The following SORCS3 variants were observed in gnomAD, a reference collection of about 807,000 sequenced individuals.
SORCS3 encodes the protein VPS10 domain-containing receptor SorCS3.
SORCS3 carries 57 observed loss-of-function variants against 146.3 expected under a neutral mutation model. The observed-to-expected ratio is 0.39, with a 90% CI of 0.31 to 0.49. The LOEUF (loss-of-function observed/expected upper bound fraction) is 0.49. Among genes scored for constraint, SORCS3 ranks in the 20% least tolerant of loss-of-function variants. The pLI, the probability that SORCS3 is intolerant of heterozygous loss-of-function variation, is 0.92. For missense variants in SORCS3, 1,341 were observed against 1,575.5 expected (o/e 0.85, Z 2.52); for synonymous variants, 653 against 618.5 (o/e 1.06, Z -0.83).
At chr10:105,254,623 AC>A (rs2056919467) in intron 23 of SORCS3, among the ~76,000 whole-genome samples, 1 of 152,024 alleles carries the variant, frequency 6.6e-6, no homozygotes, top group East Asian at 1.9e-4. Context: ...ACATGGTGAA[AC>A]CCCGTCTCTA....
At chr10:105,075,435 C>T (rs1269858611) in intron 5 of SORCS3, among the ~76,000 whole-genome samples, 1 of 152,110 alleles carries the variant, frequency 6.6e-6, no homozygotes, top group Non-Finnish European at 1.5e-5. Flanking sequence ...CCCAGCAGCT[C>T]CTTCATCTGC....
intron 2 of SORCS3, among the ~76,000 whole-genome samples, chr10:104,860,284 T>C (rs1444080660): frequency 2.6e-5 from 3 of 115,682 alleles, no homozygotes; most frequent in African/African-American, 8.2e-5. Flanking sequence ...ATGGATGAAA[T>C]TGGAAATCAT....
At chr10:105,234,253 C>T (rs962549684) in intron 20 of SORCS3, among the ~76,000 whole-genome samples, 1 of 151,970 alleles carries the variant, frequency 6.6e-6, no homozygotes, top group Non-Finnish European at 1.5e-5. Flanking sequence ...TAATTCTTAT[C>T]TCTTCTCCTT....
chr10:104,809,485 C>T lies in SORCS3; in HGVS notation c.628-33307C>T, dbSNP rs180753264. 4.0e-3 allele frequency among the ~76,000 whole-genome samples: 605 copies of T among 152,244 alleles called. 7 individuals are homozygous for T. Among genetic ancestry groups the T allele is most frequent in the African/African-American group, 0.013 (555 of 41,550 alleles). On this transcript the variant is annotated intron_variant, in intron 1 of 26. Coordinates refer to ENST00000369701, the MANE Select transcript of SORCS3 (RefSeq NM_014978.3). The stretch of plus-strand genomic sequence containing the variant: ...TGCAATGTCTCTGGAGACCTGGACT[C>T]AGAACTGTAACACCATTGTTTCTGT...
chr10:105,031,280 C>T (rs949756601), intron 4 of SORCS3, among the ~76,000 whole-genome samples: 10 of 151,238 alleles, frequency 6.6e-5, no homozygotes, highest in Non-Finnish European at 2.9e-5. Context: ...GTCTGGGCAA[C>T]AAGGGTGAGA....
At chr10:105,104,739 A>G (rs2055809428) in intron 6 of SORCS3, among the ~76,000 whole-genome samples, 1 of 152,254 alleles carries the variant, frequency 6.6e-6, no homozygotes, top group Non-Finnish European at 1.5e-5. Context: ...TGTTCTGTGC[A>G]GTATGGCACA....
intron 9 of SORCS3, among the ~76,000 whole-genome samples, chr10:105,152,629 G>A (rs1031341177): frequency 6.6e-6 from 1 of 151,998 alleles, no homozygotes; most frequent in Non-Finnish European, 1.5e-5. Flanking sequence ...AACTGAAATG[G>A]GTATCAGTTC....
intron 22 of SORCS3, among the ~76,000 whole-genome samples, chr10:105,249,830 G>T (rs2056888626): frequency 6.6e-6 from 1 of 151,896 alleles, no homozygotes; most frequent in African/African-American, 2.4e-5. Flanking sequence ...CAGTTGCAGT[G>T]AACTGAGATT....
At chr10:104,676,053 A>G (rs915181174) in intron 1 of SORCS3, among the ~76,000 whole-genome samples, 19 of 152,200 alleles carry the variant, frequency 1.2e-4, no homozygotes, top group Non-Finnish European at 5.9e-5. Context: ...CAGGGATCTG[A>G]TGCTTTGTGA....
At chr10:104,764,914 C>A (rs1005501658) in intron 1 of SORCS3, among the ~76,000 whole-genome samples, 5 of 152,070 alleles carry the variant, frequency 3.3e-5, no homozygotes, top group Admixed American at 6.5e-5. Flanking sequence ...GATGGATTGT[C>A]CAGGATTTCT....
intron 7 of SORCS3, among the ~76,000 whole-genome samples, chr10:105,130,929 A>C (rs2056014197): frequency 6.6e-6 from 1 of 152,048 alleles, no homozygotes; most frequent in South Asian, 2.1e-4. Context: ...TTTTATTCTG[A>C]CTCATAGTGT....
intron 1 of SORCS3, among the ~76,000 whole-genome samples, chr10:104,818,354 C>CTCCTTTCTTCCT (rs976204380): frequency 1.3e-5 from 1 of 78,630 alleles, no homozygotes; most frequent in South Asian, 4.6e-4. Flanking sequence ...TTTCTTTCTT[C>CTCCTTTCTTCCT]TCCTTTCTTC....
intron 2 of SORCS3, among the ~76,000 whole-genome samples, chr10:104,869,976 T>C (rs980475229): frequency 6.6e-6 from 1 of 152,224 alleles, no homozygotes; most frequent in African/African-American, 2.4e-5. Flanking sequence ...ATCTATCACG[T>C]AGAGTCGCTC....
chr10:105,121,088 G>A (rs912275541), intron 7 of SORCS3, among the ~76,000 whole-genome samples: 3 of 152,172 alleles, frequency 2.0e-5, no homozygotes, highest in Non-Finnish European at 4.4e-5. Flanking sequence ...GCTCAAAGGA[G>A]TGAGATCAGC....
At chr10:104,649,986 A>G (rs1443977329) in intron 1 of SORCS3, among the ~76,000 whole-genome samples, 5 of 152,300 alleles carry the variant, frequency 3.3e-5, no homozygotes, top group African/African-American at 1.2e-4. Flanking sequence ...CTGGTTGACA[A>G]GCAGATCCCA....
chr10:105,056,981 A>G lies in SORCS3; in HGVS notation c.1028+13853A>G, dbSNP rs536419286. On this transcript the variant is annotated intron_variant, in intron 5 of 26. Coordinates refer to ENST00000369701, the MANE Select transcript of SORCS3 (RefSeq NM_014978.3). ...CATTAACAGTTTGCTGCATATGTAC[A>G]TAGTAATCATAAGGATCATTTTGGT... 3.5e-4 allele frequency among the ~76,000 whole-genome samples: 53 copies of G among 152,322 alleles called. 1 individual carries two copies. Among genetic ancestry groups the G allele is most frequent in the Middle Eastern group, 6.8e-3 (2 of 294 alleles).
intron 5 of SORCS3, among the ~76,000 whole-genome samples, chr10:105,070,310 A>T (rs978384177): frequency 3.9e-5 from 6 of 152,242 alleles, no homozygotes; most frequent in African/African-American, 1.4e-4. Flanking sequence ...GTTAATTAGT[A>T]GGTGGTACAG....
chr10:104,998,505 A>G (rs2055040341), intron 4 of SORCS3, among the ~76,000 whole-genome samples: 2 of 152,138 alleles, frequency 1.3e-5, no homozygotes, highest in South Asian at 4.1e-4. Context: ...TGAAATTTTC[A>G]TATGGTTAAC....
At chr10:105,082,940 G>C (rs1317745527) in intron 5 of SORCS3, among the ~76,000 whole-genome samples, 1 of 152,050 alleles carries the variant, frequency 6.6e-6, no homozygotes, top group Non-Finnish European at 1.5e-5. Context: ...ATGTTGGTCA[G>C]GCTGGTCTCA....
Sources: allele counts gnomAD v4.1 joint callset (sites outside exome capture counted in the v4.1 genomes callset), GRCh38; gene constraint gnomAD v4.1.1; transcripts MANE v1.5; gene names NCBI Gene and HGNC (gene_info 2026-07-23, HGNC 2026-07-21).